Variants in PALM2AKAP2 observed in about 807,000 individuals in gnomAD.
The protein encoded by PALM2AKAP2 is PALM2 and AKAP2 fusion.
Under a neutral mutation model 71.5 loss-of-function variants are expected in PALM2AKAP2, and 37 were observed. That is an observed-to-expected ratio of 0.52 (90% CI 0.40 to 0.68). PALM2AKAP2 has a LOEUF of 0.68. Among genes scored for constraint, PALM2AKAP2 ranks in the 30% least tolerant of loss-of-function variants. The pLI is 0.00. For synonymous variants in PALM2AKAP2, 468 were observed against 478.8 expected (o/e 0.98, Z 0.29); for missense variants, 1,224 against 1,191.8 (o/e 1.03, Z -0.40).
At chr9:110,161,320 A>G (rs981489141) in intron 3 of PALM2AKAP2, among the ~76,000 whole-genome samples, 1 of 152,228 alleles carries the variant, frequency 6.6e-6, no homozygotes, top group African/African-American at 2.4e-5. Context: ...CAAGCAGTGT[A>G]AATGTACGCT....
intron 1 of PALM2AKAP2, among the ~76,000 whole-genome samples, chr9:109,759,576 G>A (rs1442851001): frequency 6.6e-6 from 1 of 152,194 alleles, no homozygotes; most frequent in East Asian, 1.9e-4. Context: ...CAGTAGAGAA[G>A]CAAACAAACA....
chr9:109,780,722 G>T (rs1829430256), intron 1 of PALM2AKAP2, among the ~76,000 whole-genome samples, 189 bp downstream of exon 1: 1 of 152,108 alleles, frequency 6.6e-6, no homozygotes, highest in Non-Finnish European at 1.5e-5. Context: ...CCCCAAGGGC[G>T]CGCTTTGGAC....
intron 1 of PALM2AKAP2, among the ~76,000 whole-genome samples, chr9:109,790,338 A>AT (rs146833404): frequency 1.3e-5 from 2 of 151,984 alleles, no homozygotes; most frequent in African/African-American, 4.8e-5. Context: ...GGTGGGTGGG[A>AT]TTTTTCCCCC....
chr9:109,732,954 A>C (rs1828578593), intron 1 of PALM2AKAP2, among the ~76,000 whole-genome samples: 1 of 152,168 alleles, frequency 6.6e-6, no homozygotes, highest in Non-Finnish European at 1.5e-5. Context: ...AGATCAAGGG[A>C]TCAGGAGTAG....
intron 1 of PALM2AKAP2, among the ~76,000 whole-genome samples, chr9:110,087,759 G>C (rs767276529): frequency 6.6e-6 from 1 of 152,232 alleles, no homozygotes; most frequent in Non-Finnish European, 1.5e-5. Flanking sequence ...CCATAGGCCA[G>C]TTACTGTTCT....
intron 1 of PALM2AKAP2, among the ~76,000 whole-genome samples, chr9:109,784,442 A>G (rs1408648837): frequency 1.3e-5 from 2 of 152,228 alleles, no homozygotes; most frequent in Non-Finnish European, 2.9e-5. Flanking sequence ...CTTCCCAATT[A>G]CCAGGAGGCA....
intron 1 of PALM2AKAP2, among the ~76,000 whole-genome samples, chr9:109,749,125 G>A (rs16914481): frequency 0.016 from 2,420 of 152,254 alleles, 62 homozygotes; most frequent in African/African-American, 0.054. Flanking sequence ...TGGGGCATCA[G>A]CCTTAAACAT....
intron 1 of PALM2AKAP2, among the ~76,000 whole-genome samples, chr9:110,081,349 T>C (rs1834444763): frequency 6.6e-6 from 1 of 152,204 alleles, no homozygotes; most frequent in African/African-American, 2.4e-5. Context: ...ATTACTGTTA[T>C]TTACGTTTTG....
Position 110,168,387 on chromosome 9 carries a change from C to T in PALM2AKAP2, c.2749-12C>T, listed in dbSNP as rs780455259. ...CATGAACTCTGCATAATTTTTTCCC[C>T]TCTCTTTACAGGTCCTCGAGGCCAC... On this transcript the variant is annotated splice_polypyrimidine_tract_variant and intron_variant, in intron 3 of 3. Coordinates refer to ENST00000374525, the Ensembl canonical transcript of PALM2AKAP2. 1 of 1,610,472 alleles carries T rather than the reference C, an allele frequency of 6.2e-7. No homozygotes were observed. The highest frequency in any genetic ancestry group is 1.3e-5 in the African/African-American group (1 of 74,698).
intron 3 of PALM2AKAP2, among the ~76,000 whole-genome samples, chr9:110,157,744 C>G (rs1157754474): frequency 1.3e-5 from 2 of 152,134 alleles, no homozygotes; most frequent in Non-Finnish European, 2.9e-5. Flanking sequence ...GATAAACCAT[C>G]TGGTCACCTT....
At chr9:109,874,166 G>A (rs1012094170) in intron 2 of PALM2AKAP2, among the ~76,000 whole-genome samples, 3 of 152,066 alleles carry the variant, frequency 2.0e-5, no homozygotes, top group Non-Finnish European at 4.4e-5. Flanking sequence ...CAGCCTCCGT[G>A]GATGAATAAA....
At chr9:109,975,435 C>T (rs1564241705) in intron 6 of PALM2AKAP2, among the ~76,000 whole-genome samples, 1 of 152,230 alleles carries the variant, frequency 6.6e-6, no homozygotes, top group Non-Finnish European at 1.5e-5. Context: ...CCCACCCACA[C>T]TGGTGAAGGC....
rs558459209 is a variant in PALM2AKAP2 at position 109,772,207 on chromosome 9, C to T, written c.6-8281C>T. Among the ~76,000 whole-genome samples the T allele has an allele frequency of 9.3e-4, 142 of 152,324 alleles. 1 individual carries two copies. In the South Asian group the frequency reaches 0.029, roughly 31 times the overall value. ...GGGCGCAGAGGCTCCTGTGGAAACA[C>T]CTTCCCTTGTGAAGTCTGCACAGAG... On this transcript the variant is annotated intron_variant, in intron 1 of 6. Coordinates refer to the PALM2AKAP2 transcript ENST00000374531.
chr9:110,070,247 C>T (rs780175699), intron 1 of PALM2AKAP2, among the ~76,000 whole-genome samples: 8 of 152,180 alleles, frequency 5.3e-5, no homozygotes, highest in Non-Finnish European at 1.0e-4. Context: ...AGAGAAGCTA[C>T]GGGAATGGTT....
chr9:109,818,799 C>T (rs1181268391), intron 1 of PALM2AKAP2, among the ~76,000 whole-genome samples: 1 of 152,194 alleles, frequency 6.6e-6, no homozygotes, highest in African/African-American at 2.4e-5. Context: ...TGAACACCTA[C>T]ATTGACAGGC....
chr9:109,955,952 CA>C (rs1194384865), intron 6 of PALM2AKAP2, among the ~76,000 whole-genome samples: 1 of 150,990 alleles, frequency 6.6e-6, no homozygotes, highest in Non-Finnish European at 1.5e-5. Flanking sequence ...AAAAACAAAA[CA>C]AAACAAAACA....
At chr9:109,657,938 T>TGTG (rs1758141728) in intron 1 of PALM2AKAP2, among the ~76,000 whole-genome samples, 19 of 142,546 alleles carry the variant, frequency 1.3e-4, no homozygotes, top group Middle Eastern at 3.5e-3. Context: ...TTGTGTGTGT[T>TGTG]TGTGTGTGTG....
chr9:109,745,699 G>C (rs1034423702), intron 1 of PALM2AKAP2, among the ~76,000 whole-genome samples: 2 of 152,130 alleles, frequency 1.3e-5, no homozygotes, highest in Non-Finnish European at 2.9e-5. Flanking sequence ...AGACAATAAC[G>C]ACGTCTGGGA....
At chr9:109,805,602 G>T (rs1827551207) in intron 1 of PALM2AKAP2, among the ~76,000 whole-genome samples, 1 of 152,154 alleles carries the variant, frequency 6.6e-6, no homozygotes, top group African/African-American at 2.4e-5. Flanking sequence ...GGAGGCAGCT[G>T]TCAATGCAAG....
Sources: allele counts gnomAD v4.1 joint callset (sites outside exome capture counted in the v4.1 genomes callset), GRCh38; gene constraint gnomAD v4.1.1; transcripts MANE v1.5; gene names NCBI Gene and HGNC (gene_info 2026-07-23, HGNC 2026-07-21).